HSPA12A: variants seen among roughly 807,000 people sequenced by gnomAD.
HSPA12A encodes the protein heat shock 70 kDa protein 12A.
In HSPA12A, 28 loss-of-function variants were observed where a neutral mutation model predicts 69.2. That is an observed-to-expected ratio of 0.40 (90% CI 0.30 to 0.55). The LOEUF is 0.55. Among genes scored for constraint, HSPA12A ranks in the 20% least tolerant of loss-of-function variants. The probability of loss-of-function intolerance (pLI) is 0.38; values close to 1 mark genes in which losing one functional copy is unlikely to be tolerated. For synonymous variants in HSPA12A, 345 were observed against 370.5 expected, an observed-to-expected ratio of 0.93 and a Z score of 0.79; for missense variants, 686 against 900.7, an observed-to-expected ratio of 0.76 and a Z score of 3.05.
chr10:116,840,335 C>T (rs937664398), intron 1 of HSPA12A, among the ~76,000 whole-genome samples: 1 of 152,146 alleles, frequency 6.6e-6, no homozygotes, highest in African/African-American at 2.4e-5. Flanking sequence ...TGATGATACA[C>T]AGGAAAACAT....
intron 9 of HSPA12A, among the ~76,000 whole-genome samples, 199 bp from the exon 10 acceptor site, chr10:116,679,960 T>A (rs1323296614): frequency 6.6e-6 from 1 of 152,186 alleles, no homozygotes; most frequent in East Asian, 1.9e-4. Context: ...AAATCTCTTG[T>A]CAACAATCTT....
At chr10:116,749,095 C>T (rs1232534204) in intron 2 of HSPA12A, among the ~76,000 whole-genome samples, 4 of 152,172 alleles carry the variant, frequency 2.6e-5, no homozygotes, top group Non-Finnish European at 5.9e-5. Flanking sequence ...ACCTATGGTT[C>T]CATATATTAT....
At chr10:116,717,175 G>C (rs931756040) in intron 1 of HSPA12A, among the ~76,000 whole-genome samples, 1 of 152,108 alleles carries the variant, frequency 6.6e-6, no homozygotes, top group African/African-American at 2.4e-5. Context: ...ATGAAGCCTA[G>C]AAGGGTAAGA....
chr10:116,704,623 T>TA (rs1326495108), intron 3 of HSPA12A, among the ~76,000 whole-genome samples: 3 of 151,724 alleles, frequency 2.0e-5, no homozygotes, highest in South Asian at 2.1e-4. Context: ...TAACAAAATT[T>TA]AAAAAAAATA....
intron 2 of HSPA12A, among the ~76,000 whole-genome samples, chr10:116,774,544 C>T (rs1214098459): frequency 6.6e-6 from 1 of 152,132 alleles, no homozygotes; most frequent in Non-Finnish European, 1.5e-5. Context: ...AGTGTGAGAA[C>T]CCCTGGAATA....
chr10:116,741,917 G>A (rs1554887219), intron 1 of HSPA12A, among the ~76,000 whole-genome samples: 1 of 152,208 alleles, frequency 6.6e-6, no homozygotes, highest in East Asian at 1.9e-4. Flanking sequence ...TCGAGCGTCC[G>A]GCCGGGGTGG....
At chr10:116,812,018 C>T (rs1174816375) in intron 2 of HSPA12A, among the ~76,000 whole-genome samples, 4 of 152,132 alleles carry the variant, frequency 2.6e-5, no homozygotes, top group South Asian at 2.1e-4. Flanking sequence ...TCTGGCCACT[C>T]GTCTTCTGGA....
At chr10:116,701,344 G>A (rs954213249) in intron 3 of HSPA12A, among the ~76,000 whole-genome samples, 1 of 152,222 alleles carries the variant, frequency 6.6e-6, no homozygotes, top group Non-Finnish European at 1.5e-5. Context: ...AACAAGCTCT[G>A]CCTTAGTCTT....
At chr10:116,844,248 G>A (rs1025662781) in intron 1 of HSPA12A, among the ~76,000 whole-genome samples, 1 of 152,156 alleles carries the variant, frequency 6.6e-6, no homozygotes, top group African/African-American at 2.4e-5. Context: ...TCAATGAAAT[G>A]ATGTAAGTAA....
chr10:116,814,797 T>C (rs1042925792), intron 2 of HSPA12A, among the ~76,000 whole-genome samples: 1 of 152,204 alleles, frequency 6.6e-6, no homozygotes, highest in African/African-American at 2.4e-5. Flanking sequence ...CACCATCACC[T>C]TGCTGGGAAG....
chr10:116,787,297 C>A (rs1844599337), intron 2 of HSPA12A, among the ~76,000 whole-genome samples: 1 of 152,074 alleles, frequency 6.6e-6, no homozygotes, highest in Non-Finnish European at 1.5e-5. Flanking sequence ...ATAATTTAGT[C>A]AACAGCAGCT....
At chr10:116,679,140 A>G (rs1849327467) in intron 10 of HSPA12A, among the ~76,000 whole-genome samples, 1 of 152,232 alleles carries the variant, frequency 6.6e-6, no homozygotes, top group Non-Finnish European at 1.5e-5. Context: ...CACCTACTGC[A>G]TACCAGGTTC....
At position 116,843,627 on chromosome 10, in the gene HSPA12A, T is replaced by C. The variant is rs1178054550; in HGVS notation, c.3+5939A>G. Among the ~76,000 whole-genome samples the C allele has an allele frequency of 2.6e-5, 4 of 152,316 alleles. No homozygotes were observed. The South Asian group carries it at 8.3e-4, about 32-fold the overall frequency. Reference sequence around the variant, plus strand: ...TCAGGAGCTTTGATTTCCTAGGCCTTGTTGGCTTCATCCATCAACAAACCA... The same window carrying C: ...TCAGGAGCTTTGATTTCCTAGGCCTCGTTGGCTTCATCCATCAACAAACCA... On this transcript the variant is annotated intron_variant, in intron 1 of 12. Coordinates refer to the HSPA12A transcript ENST00000635765.
chr10:116,718,459 G>A (rs1035354224), intron 1 of HSPA12A, among the ~76,000 whole-genome samples: 5 of 152,164 alleles, frequency 3.3e-5, no homozygotes, highest in Admixed American at 1.3e-4. Flanking sequence ...GGGTAACTCG[G>A]GCACAAACCT....
At chr10:116,703,706 C>T (rs1173963945) in intron 3 of HSPA12A, among the ~76,000 whole-genome samples, 2 of 152,186 alleles carry the variant, frequency 1.3e-5, no homozygotes, top group African/African-American at 2.4e-5. Flanking sequence ...TCCAAAGATT[C>T]GAGGAGTCAT....
chr10:116,698,399 C>T (rs1262947238), intron 5 of HSPA12A: 2 of 416,882 alleles, frequency 4.8e-6, no homozygotes, highest in East Asian at 6.9e-5. Flanking sequence ...CCTACGGTAA[C>T]TCTGTGCTTT....
At chr10:116,768,565 G>A (rs1221351010) in intron 2 of HSPA12A, among the ~76,000 whole-genome samples, 7 of 152,182 alleles carry the variant, frequency 4.6e-5, no homozygotes, top group Non-Finnish European at 7.3e-5. Context: ...CCCGGCTGGA[G>A]AGGAGTGGTG....
In HSPA12A at chr10:116,681,193, C is replaced by T. The variant is rs376082912; in HGVS notation, c.986G>A (p.Arg329Gln). 28 of 1,614,026 alleles carry T rather than the reference C, an allele frequency of 1.7e-5. No homozygotes were observed. In the African/African-American group the frequency reaches 2.5e-4, roughly 15 times the overall value. ...GTVDLTVHQIRLPEGHLKELY... is the reference protein window; with the variant it reads ...GTVDLTVHQIQLPEGHLKELY... ...TTCCTTAAGGTGTCCCTCCGGTAAC[C>T]GGATCTGATGGACTGTCAGGTCTAC... is the stretch of plus-strand genomic sequence containing the variant. The change falls in exon 9 of 12, where the codon CGG becomes CAG. Residue 329 changes from arginine (R) to glutamine (Q), a missense_variant. Coordinates refer to ENST00000369209, the MANE Select transcript of HSPA12A (RefSeq NM_025015.3).
intron 1 of HSPA12A, among the ~76,000 whole-genome samples, chr10:116,712,705 G>A (rs1279434969): frequency 2.0e-5 from 3 of 152,076 alleles, no homozygotes; most frequent in Middle Eastern, 3.4e-3. Flanking sequence ...GTCAGCAAAT[G>A]GCCGTGAGCA....
Sources: allele counts gnomAD v4.1 joint callset (sites outside exome capture counted in the v4.1 genomes callset), GRCh38; gene constraint gnomAD v4.1.1; transcripts MANE v1.5; gene names NCBI Gene and HGNC (gene_info 2026-07-23, HGNC 2026-07-21).